KCNN3: variants seen among roughly 807,000 people sequenced by gnomAD.
The protein encoded by KCNN3 is small conductance calcium-activated potassium channel protein 3.
A neutral mutation model predicts 62.9 loss-of-function variants in KCNN3; 16 were observed. The observed-to-expected ratio is 0.25, with a 90% CI of 0.17 to 0.39. The LOEUF is 0.39. KCNN3 is among the 10% of genes least tolerant of loss of function. KCNN3 has a pLI of 1.00. For missense variants in KCNN3, 599 were observed against 949.4 expected (o/e 0.63, Z 4.85); for synonymous variants, 370 against 389.2 (o/e 0.95, Z 0.58).
intron 2 of KCNN3, among the ~76,000 whole-genome samples, chr1:154,788,987 AT>A (rs1464346391): frequency 2.0e-5 from 3 of 152,150 alleles, no homozygotes; most frequent in Admixed American, 2.0e-4. Flanking sequence ...CTCATTTCTT[AT>A]TGCTGCTGTA....
chr1:154,748,522 T>C (rs542802063), intron 3 of KCNN3, among the ~76,000 whole-genome samples: 1 of 152,380 alleles, frequency 6.6e-6, no homozygotes, highest in Non-Finnish European at 1.5e-5. Context: ...TAAGACTGGA[T>C]GCTAATCTTA....
At chr1:154,798,284 C>A (rs542108064) in intron 2 of KCNN3, among the ~76,000 whole-genome samples, 1 of 152,326 alleles carries the variant, frequency 6.6e-6, no homozygotes, top group African/African-American at 2.4e-5. Flanking sequence ...TGACCTGTAC[C>A]AGGCCCTATG....
intron 3 of KCNN3, among the ~76,000 whole-genome samples, chr1:154,746,457 A>T (rs538005231): frequency 4.8e-4 from 73 of 152,288 alleles, no homozygotes; most frequent in Non-Finnish European, 9.1e-4. Context: ...TTTAATAAGC[A>T]GAACCCCGTG....
At chr1:154,865,925 T>C (rs190625438) in intron 1 of KCNN3, among the ~76,000 whole-genome samples, 93 of 152,304 alleles carry the variant, frequency 6.1e-4, no homozygotes, top group African/African-American at 2.2e-3. Flanking sequence ...CTGGTACCCC[T>C]GAGGTTGCCT....
At chr1:154,820,120 G>A (rs1037815547) in intron 2 of KCNN3, among the ~76,000 whole-genome samples, 7 of 152,198 alleles carry the variant, frequency 4.6e-5, no homozygotes, top group Non-Finnish European at 1.0e-4. Flanking sequence ...CCATGAGCTG[G>A]ACATGGGACA....
chr1:154,825,647 C>A (rs1257443713), intron 1 of KCNN3, among the ~76,000 whole-genome samples: 2 of 151,266 alleles, frequency 1.3e-5, no homozygotes, highest in African/African-American at 2.4e-5. Context: ...GGATTACAGG[C>A]GTGAGCCACC....
chr1:154,843,892 C>T (rs1442490718), intron 1 of KCNN3, among the ~76,000 whole-genome samples: 1 of 152,114 alleles, frequency 6.6e-6, no homozygotes, highest in Non-Finnish European at 1.5e-5. Context: ...GGAGGGGCGG[C>T]TGTGAGATTT....
chr1:154,772,543 G>A lies in KCNN3; in HGVS notation c.1030-150C>T. 1.3e-6 allele frequency: 1 copy of A among 741,418 alleles called. No individual in the cohort carries two copies. The highest frequency in any genetic ancestry group is 2.3e-6 in the Non-Finnish European group (1 of 427,426). 45.9% of individuals were successfully genotyped at this position (741,418 alleles called of 1,614,324 possible). On this transcript the variant is annotated intron_variant, in intron 2 of 7. Transcript: ENST00000271915. The surrounding 1 kb of genome is among the most constrained non-coding windows in gnomAD (Gnocchi z 5.6). ...TGCTCTTTAGGGGCCTTGCTATGTG[G>A]CAAGAGCCCTGTATGTGGAGTAGGG...
chr1:154,811,103 C>T (rs6688257), intron 2 of KCNN3, among the ~76,000 whole-genome samples: 24,060 of 152,164 alleles, frequency 0.16, 2,932 homozygotes, highest in African/African-American at 0.35. Context: ...CAGATGGAGG[C>T]GACACTATTA....
chr1:154,737,091 G>C (rs1270976773), intron 3 of KCNN3: 3 of 701,482 alleles, frequency 4.3e-6, no homozygotes, highest in Non-Finnish European at 7.8e-6. Context: ...ATTCAGGACT[G>C]TGGGAGTAGA....
chr1:154,867,080 C>T (rs1652984879), intron 1 of KCNN3, among the ~76,000 whole-genome samples: 1 of 152,226 alleles, frequency 6.6e-6, no homozygotes, highest in Non-Finnish European at 1.5e-5. Context: ...GGGATTGCCC[C>T]TTCCCCACAC....
At chr1:154,851,561 G>A (rs1164788517) in intron 1 of KCNN3, among the ~76,000 whole-genome samples, 1 of 152,112 alleles carries the variant, frequency 6.6e-6, no homozygotes, top group Non-Finnish European at 1.5e-5. Context: ...CAGTTGCTTG[G>A]GCCAAAAGTC....
intron 2 of KCNN3, among the ~76,000 whole-genome samples, chr1:154,796,212 C>T (rs895787751): frequency 6.6e-6 from 1 of 152,314 alleles, no homozygotes; most frequent in South Asian, 2.1e-4. Flanking sequence ...TCAGCAGTGA[C>T]GGAGAAAGAG....
At chr1:154,747,270 C>T (rs755876465) in intron 3 of KCNN3, among the ~76,000 whole-genome samples, 23 of 152,154 alleles carry the variant, frequency 1.5e-4, no homozygotes, top group Non-Finnish European at 2.8e-4. Flanking sequence ...AGCAGCCTCC[C>T]CAGCTGGTGT....
intron 2 of KCNN3, among the ~76,000 whole-genome samples, chr1:154,820,860 C>T (rs1287975290): frequency 2.0e-5 from 3 of 152,246 alleles, no homozygotes; most frequent in South Asian, 4.1e-4. Context: ...GGAGCCAAGG[C>T]TTCCATGTCC....
intron 2 of KCNN3, among the ~76,000 whole-genome samples, chr1:154,810,484 C>T (rs747455684): frequency 1.3e-5 from 2 of 152,164 alleles, no homozygotes; most frequent in Non-Finnish European, 2.9e-5. Flanking sequence ...GGCAGAGAAA[C>T]TGAAGCGGGT....
Position 154,830,270 on chromosome 1 carries a change from T to C in KCNN3, c.934-8086A>G, listed in dbSNP as rs1047243772. Among the ~76,000 whole-genome samples, 3 of 152,300 alleles carry C rather than the reference T, an allele frequency of 2.0e-5. No homozygotes were observed. In the South Asian group the frequency reaches 6.2e-4, roughly 32 times the overall value. On this transcript the variant is annotated intron_variant, in intron 1 of 7. Coordinates refer to ENST00000271915, the MANE Select transcript of KCNN3 (RefSeq NM_002249.6). ...ACAACCCATGGCCCCATTCTAGAGA[T>C]GAGGGATCTGAAGCCTGGAGAGGGT...
At chr1:154,842,844 C>G (rs6426988) in intron 1 of KCNN3, among the ~76,000 whole-genome samples, 52,640 of 152,008 alleles carry the variant, frequency 0.35, 9,997 homozygotes, top group African/African-American at 0.48. Flanking sequence ...TCACGGTCTG[C>G]AGAAGGGGCT....
chr1:154,740,216 G>T (rs1700799448), intron 3 of KCNN3, among the ~76,000 whole-genome samples: 2 of 152,198 alleles, frequency 1.3e-5, no homozygotes, highest in Non-Finnish European at 2.9e-5. Flanking sequence ...TTGATGGACA[G>T]TGGGATAGCT....
Sources: gnomAD v4.1 joint callset for allele counts (sites outside exome capture counted in the v4.1 genomes callset) on GRCh38, gnomAD v4.1.1 for gene constraint, Gnocchi (gnomAD v3.1) non-coding constraint, MANE v1.5 for transcripts, NCBI Gene and HGNC (gene_info 2026-07-23, HGNC 2026-07-21) for gene names.